The following CALN1 variants were observed in gnomAD, a reference collection of about 807,000 sequenced individuals.
The protein encoded by CALN1 is calcium-binding protein 8.
A neutral mutation model predicts 30.6 loss-of-function variants in CALN1; 17 were observed. That is an observed-to-expected ratio of 0.56 (90% CI 0.38 to 0.83). CALN1 has a LOEUF of 0.83. Among genes scored for constraint, CALN1 ranks in the 40% least tolerant of loss-of-function variants. The pLI is 0.00. For missense variants in CALN1, 291 were observed against 354.9 expected, an observed-to-expected ratio of 0.82 and a Z score of 1.45; for synonymous variants, 156 against 131.4, an observed-to-expected ratio of 1.19 and a Z score of -1.28.
At chr7:72,027,902 C>CA (rs1584775880) in intron 4 of CALN1, among the ~76,000 whole-genome samples, 1 of 147,774 alleles carries the variant, frequency 6.8e-6, no homozygotes, top group South Asian at 2.2e-4. Context: ...CTAAAAAACA[C>CA]AAAAAAATTA....
chr7:72,299,920 C>T (rs1799140270), intron 2 of CALN1, among the ~76,000 whole-genome samples: 1 of 151,706 alleles, frequency 6.6e-6, no homozygotes, highest in Admixed American at 6.6e-5. Context: ...TTTTCTGAGA[C>T]GGAGTCTTGC....
intron 2 of CALN1, among the ~76,000 whole-genome samples, chr7:72,383,646 T>A (rs938078150): frequency 3.9e-5 from 6 of 152,190 alleles, no homozygotes; most frequent in African/African-American, 1.2e-4. Flanking sequence ...TAGGACCCCA[T>A]CTTACCTCTA....
intron 3 of CALN1, among the ~76,000 whole-genome samples, chr7:72,274,476 C>G (rs1797209710): frequency 6.7e-6 from 1 of 149,956 alleles, no homozygotes; most frequent in African/African-American, 2.5e-5. Context: ...CCACTGCACT[C>G]CAGCCTCGGT....
At chr7:71,897,077 C>A (rs901166832) in intron 5 of CALN1, among the ~76,000 whole-genome samples, 8 of 152,222 alleles carry the variant, frequency 5.3e-5, no homozygotes, top group African/African-American at 1.9e-4. Flanking sequence ...AAACAAAAAT[C>A]CCTGGAAACT....
chr7:72,143,948 C>A (rs1441985578), intron 3 of CALN1, among the ~76,000 whole-genome samples: 1 of 152,186 alleles, frequency 6.6e-6, no homozygotes, highest in African/African-American at 2.4e-5. Flanking sequence ...CACCACCAGG[C>A]CTGCCCTACA....
chr7:72,387,185 TAAGGAAGGGAGGGAGGGAGGGAGGGAAGG>T (rs1805257197), intron 2 of CALN1, among the ~76,000 whole-genome samples: 1 of 106,146 alleles, frequency 9.4e-6, no homozygotes, highest in Non-Finnish European at 2.0e-5. Context: ...ATGATCAAAC[TAAGGAAGGGAGGGAGGGAGGGAGGGAAGG>T]AAGGAAGGGA....
intron 2 of CALN1, among the ~76,000 whole-genome samples, chr7:72,294,420 A>G (rs1798707479): frequency 6.6e-6 from 1 of 152,294 alleles, no homozygotes; most frequent in South Asian, 2.1e-4. Context: ...TCTATGTACC[A>G]TATCATAGCA....
At chr7:72,211,462 C>A (rs1585176250) in intron 3 of CALN1, among the ~76,000 whole-genome samples, 1 of 151,426 alleles carries the variant, frequency 6.6e-6, no homozygotes, top group Non-Finnish European at 1.5e-5. Context: ...AGATCACATG[C>A]AAAGCATCTC....
chr7:72,051,249 G>A (rs1160385867), intron 4 of CALN1, among the ~76,000 whole-genome samples: 1 of 151,678 alleles, frequency 6.6e-6, no homozygotes, highest in African/African-American at 2.4e-5. Context: ...ATCGAATCCA[G>A]AAAGAAGAAA....
At chr7:72,078,928 C>CA (rs1477371205) in intron 4 of CALN1, among the ~76,000 whole-genome samples, 1 of 151,966 alleles carries the variant, frequency 6.6e-6, no homozygotes, top group Non-Finnish European at 1.5e-5. Flanking sequence ...GATTCCGTCT[C>CA]AAAAAACAAA....
intron 3 of CALN1, among the ~76,000 whole-genome samples, chr7:72,138,559 G>A (rs1809664523): frequency 1.6e-5 from 1 of 61,194 alleles, no homozygotes; most frequent in Non-Finnish European, 2.9e-5. Flanking sequence ...AGGAGACGGG[G>A]ACTGCCCTTA....
intron 6 of CALN1, among the ~76,000 whole-genome samples, chr7:71,796,358 CT>C (rs35184000): frequency 1.9e-3 from 246 of 130,196 alleles, no homozygotes; most frequent in South Asian, 2.7e-3. Context: ...ATGTTTCTTT[CT>C]TTTTTTTTTT....
At chr7:72,451,305 G>T (rs933839514), upstream of CALN1, among the ~76,000 whole-genome samples, 2 of 149,828 alleles carry the variant, frequency 1.3e-5, no homozygotes, top group Non-Finnish European at 3.0e-5. Context: ...AGAAGAGGAA[G>T]AAGAAGGAGG....
chr7:72,082,757 A>G (rs1485160722), intron 4 of CALN1, among the ~76,000 whole-genome samples: 4 of 152,078 alleles, frequency 2.6e-5, no homozygotes, highest in African/African-American at 9.7e-5. Flanking sequence ...CTCCTATCCA[A>G]CTCAACTACG....
At position 72,382,519 on chromosome 7, in the gene CALN1, T is replaced by A. The variant is rs181836570; in HGVS notation, c.119+20732A>T. 2.6e-3 allele frequency among the ~76,000 whole-genome samples: 400 copies of A among 152,308 alleles called. 6 individuals are homozygous for A. The highest frequency in any genetic ancestry group is 0.022 in the Admixed American group (342 of 15,312). On this transcript the variant is annotated intron_variant, in intron 2 of 6. Coordinates refer to ENST00000395275, the MANE Select transcript of CALN1 (RefSeq NM_031468.4). ...TACATGTGCAGGTTACATGGGTATATTGTGTAATGCTGAGGTTTGAGGTAC... is the reference window on the plus strand; with the variant it reads ...TACATGTGCAGGTTACATGGGTATAATGTGTAATGCTGAGGTTTGAGGTAC...
intron 5 of CALN1, among the ~76,000 whole-genome samples, chr7:71,979,362 G>C (rs763551619): frequency 6.6e-6 from 1 of 152,172 alleles, no homozygotes; most frequent in Non-Finnish European, 1.5e-5. Flanking sequence ...CCCTGGGCTT[G>C]TTTCCCTGTA....
At chr7:71,798,615 CTTT>C (rs34161533) in intron 6 of CALN1, among the ~76,000 whole-genome samples, 7 of 114,834 alleles carry the variant, frequency 6.1e-5, no homozygotes, top group Non-Finnish European at 8.6e-5. Flanking sequence ...TGGTAAGAGT[CTTT>C]TTTTTTTTTT....
At chr7:72,405,715 C>G (rs1054573884) in intron 1 of CALN1, among the ~76,000 whole-genome samples, 1 of 142,428 alleles carries the variant, frequency 7.0e-6, no homozygotes, top group African/African-American at 2.8e-5. Context: ...ACAGTAGAAA[C>G]GCAAAAAAAA....
chr7:71,985,141 C>G (rs924627804), intron 5 of CALN1, among the ~76,000 whole-genome samples: 9 of 147,646 alleles, frequency 6.1e-5, no homozygotes, highest in Non-Finnish European at 1.2e-4. Context: ...GATGAACAGG[C>G]AAGCTACAAA....
Sources: gnomAD v4.1 joint callset for allele counts (sites outside exome capture counted in the v4.1 genomes callset) on GRCh38, gnomAD v4.1.1 for gene constraint, MANE v1.5 for transcripts, NCBI Gene and HGNC (gene_info 2026-07-23, HGNC 2026-07-21) for gene names.